The following BCKDHB variants were observed in gnomAD, a reference collection of about 807,000 sequenced individuals.
The protein encoded by BCKDHB is branched chain keto acid dehydrogenase E1 subunit beta, also known as 2-oxoisovalerate dehydrogenase subunit beta, mitochondrial.
In BCKDHB, 41 loss-of-function variants were observed where a neutral mutation model predicts 48.5. The observed-to-expected ratio is 0.85, with a 90% confidence interval of 0.66 to 1.10. The LOEUF (loss-of-function observed/expected upper bound fraction) is 1.10. Among genes scored for constraint, BCKDHB ranks in the 50% least tolerant of loss-of-function variants. The pLI is 0.00. For missense variants in BCKDHB, 496 were observed against 494.2 expected (o/e 1.00, Z -0.03); for synonymous variants, 201 against 174.8 (o/e 1.15, Z -1.18).
chr6:80,398,642 C>T, the BCKDHB span, among the ~76,000 whole-genome samples: 10 of 150,972 alleles, frequency 6.6e-5, no homozygotes, highest in African/African-American at 2.5e-4. Context: ...GATTCACAGT[C>T]AAATTCTACC....
intron 8 of BCKDHB, among the ~76,000 whole-genome samples, chr6:80,232,303 T>A (rs1341675584): frequency 6.6e-6 from 1 of 151,948 alleles, no homozygotes; most frequent in African/African-American, 2.4e-5. Context: ...TCTCTACTTC[T>A]GATTGGGAAA....
At chr6:80,438,654 A>C in the BCKDHB span, among the ~76,000 whole-genome samples, 2 of 152,220 alleles carry the variant, frequency 1.3e-5, no homozygotes, top group Non-Finnish European at 2.9e-5. Context: ...ATTAAAATAT[A>C]CACTTGTGTT....
chr6:80,349,831 A>T (rs539551206), downstream of BCKDHB, among the ~76,000 whole-genome samples: 8 of 152,298 alleles, frequency 5.3e-5, 1 homozygote, highest in East Asian at 1.5e-3. Context: ...GTAGAAGATG[A>T]CTTTATCACT....
the BCKDHB span, among the ~76,000 whole-genome samples, chr6:80,432,044 G>T: frequency 6.6e-6 from 1 of 151,772 alleles, no homozygotes; most frequent in Non-Finnish European, 1.5e-5. Flanking sequence ...GGCTTGCAGG[G>T]TTTCTGCAGA....
chr6:80,417,338 C>T, the BCKDHB span, among the ~76,000 whole-genome samples: 2 of 151,924 alleles, frequency 1.3e-5, no homozygotes, highest in African/African-American at 2.4e-5. Context: ...GAAATTTAGC[C>T]CATTTACCTC....
chr6:80,204,804 A>C (rs1480951663), intron 8 of BCKDHB, among the ~76,000 whole-genome samples: 1 of 152,064 alleles, frequency 6.6e-6, no homozygotes, highest in African/African-American at 2.4e-5. Flanking sequence ...AGAAGGGTGA[A>C]GTTGTTTATA....
the BCKDHB span, among the ~76,000 whole-genome samples, chr6:80,421,714 G>A: frequency 3.9e-5 from 6 of 152,130 alleles, no homozygotes; most frequent in African/African-American, 7.2e-5. Context: ...AGAGATCTGG[G>A]GAAATTTGAA....
chr6:80,183,370 A>G (rs1436035028), intron 6 of BCKDHB, among the ~76,000 whole-genome samples: 1 of 152,194 alleles, frequency 6.6e-6, no homozygotes, highest in African/African-American at 2.4e-5. Context: ...TAACTTGGCA[A>G]TTGTAAGAGT....
chr6:80,217,411 GT>G (rs907768884), intron 8 of BCKDHB, among the ~76,000 whole-genome samples: 28 of 151,828 alleles, frequency 1.8e-4, no homozygotes, highest in Non-Finnish European at 1.0e-4. Context: ...AAGTTATATA[GT>G]TTCTTACATA....
At chr6:80,173,255 A>G (rs957601972) in intron 6 of BCKDHB, among the ~76,000 whole-genome samples, 2 of 152,104 alleles carry the variant, frequency 1.3e-5, no homozygotes, top group Admixed American at 6.6e-5. Context: ...GAGGTTCAGT[A>G]TTCAAAAGGT....
At chr6:80,107,289 GAT>G (rs35161169) in intron 1 of BCKDHB, among the ~76,000 whole-genome samples, 2 of 141,736 alleles carry the variant, frequency 1.4e-5, no homozygotes, top group Non-Finnish European at 3.0e-5. Context: ...GCATTTAAAA[GAT>G]ATATATATAT....
At chr6:80,441,060 GGCTCT>G in the BCKDHB span, 1 of 151,546 alleles carries the variant, frequency 6.6e-6, no homozygotes, top group East Asian at 1.9e-4. Context: ...AAATATTTAT[GGCTCT>G]GAAACTAAAG....
chr6:80,370,265 C>T, the BCKDHB span, among the ~76,000 whole-genome samples: 73 of 152,100 alleles, frequency 4.8e-4, 1 homozygote, highest in Non-Finnish European at 7.4e-5. Flanking sequence ...GAAAATGATG[C>T]TTAAACTGTC....
At chr6:80,426,553 A>T in the BCKDHB span, among the ~76,000 whole-genome samples, 1 of 152,032 alleles carries the variant, frequency 6.6e-6, no homozygotes, top group Admixed American at 6.6e-5. Flanking sequence ...ATGCTTGTAA[A>T]TTTTCCATGT....
the BCKDHB span, among the ~76,000 whole-genome samples, chr6:80,414,495 C>G: frequency 1.3e-5 from 2 of 151,996 alleles, no homozygotes; most frequent in African/African-American, 4.8e-5. Context: ...CAGTTTTAAT[C>G]TTTTGCATAT....
chr6:80,416,697 G>T, the BCKDHB span, among the ~76,000 whole-genome samples: 5 of 151,774 alleles, frequency 3.3e-5, no homozygotes, highest in East Asian at 9.7e-4. Context: ...TTTTACTTCT[G>T]ATTATGTGAT....
chr6:80,389,116 C>T, the BCKDHB span, among the ~76,000 whole-genome samples: 2 of 152,190 alleles, frequency 1.3e-5, no homozygotes, highest in Non-Finnish European at 2.9e-5. Context: ...TGAGTGCTCA[C>T]CAATGAGTGA....
chr6:80,229,750 G>A (rs1434532776), intron 8 of BCKDHB, among the ~76,000 whole-genome samples: 1 of 152,018 alleles, frequency 6.6e-6, no homozygotes, highest in Non-Finnish European at 1.5e-5. Context: ...TACAATGACT[G>A]TTTATAAAAT....
intron 3 of BCKDHB, among the ~76,000 whole-genome samples, chr6:80,131,856 T>G (rs1437918305): frequency 1.3e-5 from 2 of 152,154 alleles, no homozygotes; most frequent in East Asian, 3.9e-4. Flanking sequence ...TTGGTCAGGC[T>G]GGTCTCAAAC....
Sources: allele counts gnomAD v4.1 joint callset (sites outside exome capture counted in the v4.1 genomes callset), GRCh38; gene constraint gnomAD v4.1.1; transcripts MANE v1.5; gene names NCBI Gene and HGNC (gene_info 2026-07-23, HGNC 2026-07-21).